The following ARHGEF9 variants were observed in gnomAD, a reference collection of about 807,000 sequenced individuals.
ARHGEF9 encodes the protein Cdc42 guanine nucleotide exchange factor 9, also known as rho guanine nucleotide exchange factor 9.
In ARHGEF9, 2 loss-of-function variants were observed where a neutral mutation model predicts 41.3. The ratio of observed to expected loss-of-function variants is 0.05; its 90% CI spans 0.02 to 0.15. ARHGEF9 has a LOEUF of 0.15. Ranked by LOEUF, ARHGEF9 falls within the 10% of genes least tolerant of loss-of-function variation. ARHGEF9 has a pLI of 1.00. For synonymous variants in ARHGEF9, 160 were observed against 154.4 expected, an observed-to-expected ratio of 1.04 and a Z score of -0.27; for missense variants, 225 against 424.7, an observed-to-expected ratio of 0.53 and a Z score of 4.13.
rs782306018 is a variant in ARHGEF9 at position 63,651,202 on chromosome X, C to T, written c.1321+4292G>A. 1.7e-4 allele frequency among the ~76,000 whole-genome samples: 19 copies of T among 110,977 alleles called. No individual in the cohort carries two copies. The South Asian group carries it at 6.4e-3, about 37-fold the overall frequency. ...AATGGGCTTTCTATGCCAGTTTTTA[C>T]GGCAGTGTTTTTAAACCTAGAATAA... On this transcript the variant is annotated intron_variant, in intron 8 of 9. Coordinates refer to ENST00000671741, the MANE Select transcript of ARHGEF9 (RefSeq NM_001353921.2).
At chrX:63,682,137 A>C (rs2050664640) in intron 4 of ARHGEF9, among the ~76,000 whole-genome samples, 2 of 89,337 alleles carry the variant, frequency 2.2e-5, no homozygotes, top group East Asian at 3.1e-4. Context: ...ACTCTTCAAT[A>C]AATAAATAAA....
rs782535502 is a variant in ARHGEF9 at position 63,680,975 on chromosome X, C to T, written c.583-2403G>A. Among the ~76,000 whole-genome samples, 5 of 111,250 alleles carry T rather than the reference C, an allele frequency of 4.5e-5. No homozygotes were observed. In the South Asian group the frequency reaches 1.6e-3, roughly 35 times the overall value. ...AGCTGCCCAACTGCTGCTGTGGTTACTATAGCCCAGTGGGAAGGGGTGATG... is the reference window on the plus strand; with the variant it reads ...AGCTGCCCAACTGCTGCTGTGGTTATTATAGCCCAGTGGGAAGGGGTGATG... On this transcript the variant is annotated intron_variant, in intron 4 of 9. Coordinates refer to ENST00000671741, the MANE Select transcript of ARHGEF9 (RefSeq NM_001353921.2).
chrX:63,706,500 G>A, intron 2 of ARHGEF9, 51 bp from the exon 3 acceptor site: 2 of 1,138,412 alleles, frequency 1.8e-6, no homozygotes, highest in Non-Finnish European at 1.2e-6. Context: ...TTCTTTGGGA[G>A]GTTTCCAGGC....
chrX:63,751,848 A>G (rs1297904715), intron 1 of ARHGEF9, among the ~76,000 whole-genome samples: 1 of 99,899 alleles, frequency 1.0e-5, no homozygotes, highest in Admixed American at 1.1e-4. Context: ...CCCCCCACAC[A>G]CCCCCATGAA....
chrX:63,753,511 T>C (rs1556443278), intron 1 of ARHGEF9, among the ~76,000 whole-genome samples: 2 of 109,140 alleles, frequency 1.8e-5, no homozygotes, highest in African/African-American at 6.7e-5. Context: ...ATTCCCAAGG[T>C]GGATAAAGAG....
intron 3 of ARHGEF9, among the ~76,000 whole-genome samples, chrX:63,700,983 A>C (rs1368852177): frequency 8.1e-5 from 9 of 111,621 alleles, no homozygotes; most frequent in Admixed American, 5.7e-4. Context: ...TGTGGGTATT[A>C]TCAAATCAGT....
intron 1 of ARHGEF9, among the ~76,000 whole-genome samples, chrX:63,729,793 T>A (rs1241352775): frequency 2.7e-5 from 3 of 112,051 alleles, no homozygotes; most frequent in African/African-American, 9.7e-5. Context: ...GACTTACAAG[T>A]GAGTGGGACA....
chrX:63,694,174 C>A (rs1217479221), intron 4 of ARHGEF9, among the ~76,000 whole-genome samples: 1 of 105,867 alleles, frequency 9.4e-6, no homozygotes, highest in Non-Finnish European at 1.9e-5. Flanking sequence ...CGAAGCAAGA[C>A]TCTGTCTCCA....
chrX:63,705,357 ATGTGTGTGTGTGTGTGTGTGTGTGTGTG>A (rs58549005), intron 3 of ARHGEF9, among the ~76,000 whole-genome samples: 1 of 82,096 alleles, frequency 1.2e-5, no homozygotes, highest in Non-Finnish European at 2.4e-5. Flanking sequence ...ATAAGAGAGA[ATGTGTGTGTGTGTGTGTGTGTGTGTGTG>A]TGTGTGTGTG....
At position 63,753,982 on chromosome X, in the gene ARHGEF9, C is replaced by T. The variant is rs1462351573; in HGVS notation, c.31-29271G>A. Among the ~76,000 whole-genome samples, 14 of 111,891 alleles carry T rather than the reference C, an allele frequency of 1.3e-4. No individual in the cohort carries two copies. In the Admixed American group the frequency reaches 1.3e-3, roughly 11 times the overall value. On this transcript the variant is annotated intron_variant, in intron 1 of 9. Coordinates refer to ENST00000671741, the MANE Select transcript of ARHGEF9 (RefSeq NM_001353921.2). ...CCTATGATGTCAAATATTCATCATG[C>T]TCTTCCACAAACCCTTTTCCCCTCA...
intron 2 of ARHGEF9, chrX:63,722,852 A>G (rs1458749278): frequency 9.0e-6 from 1 of 111,401 alleles, no homozygotes; most frequent in Non-Finnish European, 1.9e-5. Flanking sequence ...TGATTCTTTA[A>G]CCAGCAAAGA....
intron 3 of ARHGEF9, among the ~76,000 whole-genome samples, chrX:63,700,827 G>A (rs782480885): frequency 5.4e-5 from 6 of 111,547 alleles, no homozygotes; most frequent in African/African-American, 2.0e-4. Context: ...CTTACTGCCA[G>A]GTATGCTTTG....
chrX:63,666,487 C>CACACACACACAT (rs1490998175), intron 6 of ARHGEF9, among the ~76,000 whole-genome samples: 35 of 104,550 alleles, frequency 3.3e-4, no homozygotes, highest in African/African-American at 1.1e-3. Context: ...CACACACACA[C>CACACACACACAT]ATATATATAT....
chrX:63,698,112 T>C (rs1221785113), intron 3 of ARHGEF9, among the ~76,000 whole-genome samples: 2 of 105,541 alleles, frequency 1.9e-5, no homozygotes, highest in East Asian at 5.8e-4. Context: ...TATAAATTTA[T>C]ATATATATAT....
At chrX:63,694,684 G>C (rs782492902) in intron 4 of ARHGEF9, among the ~76,000 whole-genome samples, 1 of 112,234 alleles carries the variant, frequency 8.9e-6, no homozygotes, top group African/African-American at 3.2e-5. Context: ...ATGTTTGCCA[G>C]TAGCCAGGAG....
intron 5 of ARHGEF9, among the ~76,000 whole-genome samples, chrX:63,677,769 T>G (rs1474082270): frequency 8.9e-6 from 1 of 112,056 alleles, no homozygotes; most frequent in African/African-American, 3.2e-5. Context: ...GCGAATGTCC[T>G]ATCTTTTTGG....
At chrX:63,697,648 T>G (rs1204573218) in intron 3 of ARHGEF9, among the ~76,000 whole-genome samples, 1 of 111,850 alleles carries the variant, frequency 8.9e-6, no homozygotes, top group Non-Finnish European at 1.9e-5. Flanking sequence ...CTGGATCCAT[T>G]CACATCTCTA....
At chrX:63,753,415 A>T (rs1463924352) in intron 1 of ARHGEF9, among the ~76,000 whole-genome samples, 6 of 112,011 alleles carry the variant, frequency 5.4e-5, no homozygotes, top group African/African-American at 1.6e-4. Context: ...CTTTCTCATC[A>T]GCCTTATCAA....
chrX:63,752,526 T>C (rs1280087064), intron 1 of ARHGEF9, among the ~76,000 whole-genome samples: 2 of 111,304 alleles, frequency 1.8e-5, no homozygotes, highest in African/African-American at 6.5e-5. Flanking sequence ...CTCACTAAAT[T>C]ATCTTTGCAA....
Sources: allele counts gnomAD v4.1 joint callset (sites outside exome capture counted in the v4.1 genomes callset), GRCh38; gene constraint gnomAD v4.1.1; transcripts MANE v1.5; gene names NCBI Gene and HGNC (gene_info 2026-07-23, HGNC 2026-07-21).